Variants in IGF1R observed in about 807,000 individuals in gnomAD.
IGF1R encodes the protein insulin-like growth factor 1 receptor.
Under a neutral mutation model 144.6 loss-of-function variants are expected in IGF1R, and 44 were observed. The ratio of observed to expected loss-of-function variants is 0.30; its 90% CI spans 0.24 to 0.39. IGF1R has a LOEUF of 0.39. Among genes scored for constraint, IGF1R ranks in the 10% least tolerant of loss-of-function variants. IGF1R has a pLI of 1.00. For synonymous variants in IGF1R, 795 were observed against 722.8 expected (o/e 1.10, Z -1.60); for missense variants, 1,355 against 1,833.7 (o/e 0.74, Z 4.77).
intron 1 of IGF1R, among the ~76,000 whole-genome samples, chr15:98,657,886 C>T: frequency 6.6e-6 from 1 of 152,164 alleles, no homozygotes; most frequent in East Asian, 1.9e-4. Context: ...CACTTGAAAT[C>T]GCTCAGATTG....
intron 2 of IGF1R, among the ~76,000 whole-genome samples, chr15:98,753,243 T>TA (rs59537592): frequency 6.1e-5 from 9 of 148,454 alleles, no homozygotes; most frequent in South Asian, 2.1e-4. Flanking sequence ...TTTTTTTTTT[T>TA]AAATAAAGAG....
At chr15:98,770,567 C>T (rs574416570) in intron 2 of IGF1R, among the ~76,000 whole-genome samples, 1 of 152,204 alleles carries the variant, frequency 6.6e-6, no homozygotes, top group South Asian at 2.1e-4. Flanking sequence ...ATCATATTAA[C>T]CCCATAAATA....
intron 2 of IGF1R, among the ~76,000 whole-genome samples, chr15:98,781,672 T>C (rs2055864489): frequency 6.6e-6 from 1 of 152,226 alleles, no homozygotes; most frequent in Non-Finnish European, 1.5e-5. Context: ...AGGGCAAATA[T>C]GTAAACTACT....
chr15:98,720,393 T>C (rs2054219248), intron 2 of IGF1R, among the ~76,000 whole-genome samples: 1 of 152,208 alleles, frequency 6.6e-6, no homozygotes, highest in African/African-American at 2.4e-5. Context: ...GTTGGGGACC[T>C]CGGATAGATC....
intron 2 of IGF1R, among the ~76,000 whole-genome samples, chr15:98,881,065 C>G (rs946221756): frequency 6.6e-6 from 1 of 152,152 alleles, no homozygotes; most frequent in East Asian, 1.9e-4. Flanking sequence ...AAAAAAAGTT[C>G]CATTTGCTGG....
At chr15:98,826,135 CAG>C (rs2056891218) in intron 2 of IGF1R, among the ~76,000 whole-genome samples, 1 of 152,220 alleles carries the variant, frequency 6.6e-6, no homozygotes, top group South Asian at 2.1e-4. Flanking sequence ...ATCTTGAAAT[CAG>C]GGGGATTCCC....
chr15:98,652,331 T>C (rs1345409253), intron 1 of IGF1R, among the ~76,000 whole-genome samples: 1 of 152,282 alleles, frequency 6.6e-6, no homozygotes, highest in Non-Finnish European at 1.5e-5. Context: ...CAGTCATCTT[T>C]CTACCCCAGG....
intron 2 of IGF1R, among the ~76,000 whole-genome samples, chr15:98,886,390 A>C (rs1567177995): frequency 6.6e-6 from 1 of 152,148 alleles, no homozygotes; most frequent in Admixed American, 6.5e-5. Context: ...TGGATGTGGG[A>C]CATGTTAGCT....
intron 2 of IGF1R, among the ~76,000 whole-genome samples, chr15:98,829,234 G>A (rs2684769): frequency 0.032 from 4,851 of 152,216 alleles, 123 homozygotes; most frequent in East Asian, 0.15. Flanking sequence ...TGCTGCAGCC[G>A]TTTCTGATGT....
intron 6 of IGF1R, among the ~76,000 whole-genome samples, chr15:98,910,686 G>C (rs1403049144): frequency 6.6e-6 from 1 of 152,232 alleles, no homozygotes; most frequent in Non-Finnish European, 1.5e-5. Flanking sequence ...TTCCCATAGA[G>C]CACGTTAGGC....
rs2002880 is a variant in IGF1R, at chr15:98,960,516, G to A, written c.*3074G>A. On this transcript the variant is annotated 3_prime_UTR_variant, in exon 21 of 21. Transcript: ENST00000650285. Reference sequence around the variant, plus strand: ...AGTGGTTCCTCAGGTTCTGAGGAGAGGAAGGTGTCCAGGCAGCACCATCTC... The same window carrying A: ...AGTGGTTCCTCAGGTTCTGAGGAGAAGAAGGTGTCCAGGCAGCACCATCTC... The A allele has an allele frequency of 5.8e-3, 1,347 of 233,398 alleles. 45 individuals are homozygous for A. In the East Asian group the frequency reaches 0.07, roughly 12 times the overall value. The allele number at this position is 233,398 out of a possible 1,614,324, so 14.5% of individuals were successfully genotyped here.
At position 98,654,466 on chromosome 15, in the gene IGF1R, A is replaced by T. The variant is rs1395822203; in HGVS notation, c.94+4791A>T. Among the ~76,000 whole-genome samples the T allele has an allele frequency of 2.0e-5, 3 of 152,360 alleles. No homozygotes were observed. The South Asian group carries it at 6.2e-4, about 32-fold the overall frequency. The stretch of plus-strand genomic sequence containing the variant: ...GTTAGCTTTCTAGAAATCAGGAAGC[A>T]TTCATAATTTCAGGGCATTTTATAA... On this transcript the variant is annotated intron_variant, in intron 1 of 20. Coordinates refer to ENST00000650285, the MANE Select transcript of IGF1R (RefSeq NM_000875.5).
At chr15:98,837,740 C>T (rs571805916) in intron 2 of IGF1R, among the ~76,000 whole-genome samples, 1 of 152,224 alleles carries the variant, frequency 6.6e-6, no homozygotes, top group Non-Finnish European at 1.5e-5. Context: ...ATCTTATTGT[C>T]ATTTATTCAT....
intron 2 of IGF1R, among the ~76,000 whole-genome samples, chr15:98,808,462 T>G (rs75018419): frequency 6.6e-6 from 1 of 152,170 alleles, no homozygotes; most frequent in African/African-American, 2.4e-5. Context: ...CCCTTGAGAT[T>G]ACTGTGTGTA....
intron 2 of IGF1R, among the ~76,000 whole-genome samples, chr15:98,865,915 C>T (rs1202246878): frequency 6.6e-6 from 1 of 152,088 alleles, no homozygotes; most frequent in Non-Finnish European, 1.5e-5. Context: ...GGTCCGAGAA[C>T]CGTAAGAAAA....
In IGF1R at chr15:98,806,574, T is replaced by C. The variant is rs184806704; in HGVS notation, c.641-84751T>C. Among the ~76,000 whole-genome samples, 250 of 152,268 alleles carry C rather than the reference T, an allele frequency of 1.6e-3. 1 individual carries two copies. The highest frequency in any genetic ancestry group is 5.8e-3 in the African/African-American group (241 of 41,542). ...GGGAATAAATATTAAATAAACACTT[T>C]CTAATAGGTGTTACCAGGACGCCTA... is the stretch of plus-strand genomic sequence containing the variant. On this transcript the variant is annotated intron_variant, in intron 2 of 20. Transcript: ENST00000650285.
chr15:98,718,137 A>C (rs1246848132), intron 2 of IGF1R, among the ~76,000 whole-genome samples: 4 of 152,098 alleles, frequency 2.6e-5, no homozygotes, highest in Non-Finnish European at 1.5e-5. Context: ...TGGGTGGGAA[A>C]ATGTTGTGCA....
intron 2 of IGF1R, among the ~76,000 whole-genome samples, chr15:98,776,851 G>A (rs912345527): frequency 2.0e-5 from 3 of 152,196 alleles, no homozygotes; most frequent in Non-Finnish European, 4.4e-5. Context: ...TGGTCTTTCC[G>A]GAGGGGCGGC....
chr15:98,818,871 TG>T (rs1429129411), intron 2 of IGF1R, among the ~76,000 whole-genome samples: 1 of 152,032 alleles, frequency 6.6e-6, no homozygotes, highest in Admixed American at 6.6e-5. Flanking sequence ...CATAGCAATT[TG>T]TAGTGGATAG....
Sources: allele counts gnomAD v4.1 joint callset (sites outside exome capture counted in the v4.1 genomes callset), GRCh38; gene constraint gnomAD v4.1.1; transcripts MANE v1.5; gene names NCBI Gene and HGNC (gene_info 2026-07-23, HGNC 2026-07-21).